CRPPA: variants seen among roughly 807,000 people sequenced by gnomAD.
CRPPA encodes the protein D-ribitol-5-phosphate cytidylyltransferase.
CRPPA carries 43 observed loss-of-function variants against 52.0 expected under a neutral mutation model. The observed-to-expected ratio is 0.83, with a 90% CI of 0.65 to 1.07. CRPPA has a LOEUF of 1.07. Ranked by LOEUF, CRPPA falls within the 50% of genes least tolerant of loss-of-function variation. The pLI, the probability that CRPPA is intolerant of heterozygous loss-of-function variation, is 0.00. For synonymous variants in CRPPA, 250 were observed against 203.5 expected (o/e 1.23, Z -1.94); for missense variants, 629 against 551.7 (o/e 1.14, Z -1.40).
intron 9 of CRPPA, among the ~76,000 whole-genome samples, chr7:16,187,205 T>C (rs560144402): frequency 6.6e-6 from 1 of 152,298 alleles, no homozygotes; most frequent in South Asian, 2.1e-4. Flanking sequence ...CCTATCAAAA[T>C]ACTTAGGCCC....
rs78099853 is a variant in CRPPA, at chr7:16,136,242, A to G, written c.1252-44443T>C. Among the ~76,000 whole-genome samples the G allele has an allele frequency of 3.0e-3, 461 of 152,330 alleles. 2 individuals carry two copies. Among genetic ancestry groups the G allele is most frequent in the Non-Finnish European group, 5.2e-3 (356 of 68,010 alleles). Reference sequence around the variant, plus strand: ...CTACAAATTGGAAATTGATATTTTAAAAGTTTAAAAATCCATTCAAGGTAT... The same window carrying G: ...CTACAAATTGGAAATTGATATTTTAGAAGTTTAAAAATCCATTCAAGGTAT... On this transcript the variant is annotated intron_variant, in intron 9 of 9. Coordinates refer to ENST00000407010, the MANE Select transcript of CRPPA (RefSeq NM_001101426.4).
chr7:16,401,512 A>T (rs538088844), intron 2 of CRPPA, among the ~76,000 whole-genome samples: 6 of 152,330 alleles, frequency 3.9e-5, no homozygotes, highest in Admixed American at 3.9e-4. Context: ...CTGAGGTAAG[A>T]AGGATATACC....
intron 9 of CRPPA, among the ~76,000 whole-genome samples, chr7:16,126,614 A>C (rs1240037537): frequency 6.6e-6 from 1 of 152,220 alleles, no homozygotes; most frequent in Non-Finnish European, 1.5e-5. Context: ...TAAAATATCT[A>C]GAATTGCATT....
chr7:16,105,779 G>T (rs758530819), intron 9 of CRPPA, among the ~76,000 whole-genome samples: 1 of 152,074 alleles, frequency 6.6e-6, no homozygotes, highest in Non-Finnish European at 1.5e-5. Flanking sequence ...ATCCTGTACA[G>T]GCAGAAAGGT....
chr7:16,292,585 C>T (rs1784586844), intron 5 of CRPPA, among the ~76,000 whole-genome samples: 2 of 151,932 alleles, frequency 1.3e-5, no homozygotes, highest in African/African-American at 4.8e-5. Context: ...CTGCCAGACT[C>T]CTTTTAAATT....
At chr7:16,253,148 T>C (rs1583467851) in intron 8 of CRPPA, among the ~76,000 whole-genome samples, 1 of 152,318 alleles carries the variant, frequency 6.6e-6, no homozygotes, top group East Asian at 1.9e-4. Flanking sequence ...TTCTGCTAGC[T>C]TTTGAATGTG....
intron 9 of CRPPA, among the ~76,000 whole-genome samples, chr7:16,195,203 G>A (rs535373196): frequency 2.6e-5 from 4 of 152,282 alleles, no homozygotes; most frequent in African/African-American, 7.2e-5. Flanking sequence ...CAGTGTTACA[G>A]CTTTCTAGTT....
intron 3 of CRPPA, among the ~76,000 whole-genome samples, chr7:16,369,912 A>G (rs10270406): frequency 0.029 from 4,399 of 152,322 alleles, 224 homozygotes; most frequent in African/African-American, 0.099. Context: ...AGAGGGGGAA[A>G]GTCTGCCTCC....
At chr7:16,398,504 G>A (rs535592181) in intron 2 of CRPPA, among the ~76,000 whole-genome samples, 13 of 152,244 alleles carry the variant, frequency 8.5e-5, no homozygotes, top group South Asian at 2.1e-4. Context: ...TCATTGGCAC[G>A]TGATTGGCAT....
chr7:16,354,285 A>G (rs909429523), intron 3 of CRPPA, among the ~76,000 whole-genome samples: 2 of 152,208 alleles, frequency 1.3e-5, no homozygotes, highest in African/African-American at 2.4e-5. Flanking sequence ...GCAACATTCA[A>G]TATGTAGCTC....
intron 3 of CRPPA, among the ~76,000 whole-genome samples, chr7:16,321,419 A>T (rs1422108641): frequency 6.6e-6 from 1 of 152,162 alleles, no homozygotes; most frequent in East Asian, 1.9e-4. Flanking sequence ...GATATATCAC[A>T]TGTGACATAT....
At chr7:16,248,301 T>C (rs937116840) in intron 8 of CRPPA, among the ~76,000 whole-genome samples, 1 of 152,158 alleles carries the variant, frequency 6.6e-6, no homozygotes, top group African/African-American at 2.4e-5. Context: ...ATCATGTCAC[T>C]GCAATCCAGC....
chr7:16,103,471 C>G (rs1361129325), intron 9 of CRPPA, among the ~76,000 whole-genome samples: 2 of 151,990 alleles, frequency 1.3e-5, no homozygotes, highest in Non-Finnish European at 2.9e-5. Context: ...AAAGAAATAT[C>G]AAAGGTTTTA....
chr7:16,127,825 T>C (rs763793581), intron 9 of CRPPA, among the ~76,000 whole-genome samples: 2 of 152,164 alleles, frequency 1.3e-5, no homozygotes, highest in Non-Finnish European at 2.9e-5. Flanking sequence ...ACTCTAATGG[T>C]AAATCTTATT....
At chr7:16,153,558 C>G (rs542168809) in intron 9 of CRPPA, among the ~76,000 whole-genome samples, 1 of 152,192 alleles carries the variant, frequency 6.6e-6, no homozygotes, top group Non-Finnish European at 1.5e-5. Flanking sequence ...CAAAGCAAAG[C>G]AAACTGCAGG....
chr7:16,385,038 T>G (rs1001513108), intron 2 of CRPPA, among the ~76,000 whole-genome samples: 1 of 152,108 alleles, frequency 6.6e-6, no homozygotes. Flanking sequence ...AATGAACATT[T>G]ATAAAGGAGC....
intron 3 of CRPPA, among the ~76,000 whole-genome samples, chr7:16,362,975 C>T (rs1786497228): frequency 1.3e-5 from 2 of 151,940 alleles, no homozygotes; most frequent in South Asian, 2.1e-4. Context: ...ATACTATGCC[C>T]ATAAACTTGA....
chr7:16,365,502 T>G (rs764891772), intron 3 of CRPPA, among the ~76,000 whole-genome samples: 9 of 152,132 alleles, frequency 5.9e-5, no homozygotes, highest in African/African-American at 2.2e-4. Context: ...TGTGGTAGTA[T>G]CACAGGAGAC....
rs149918437 is a variant in CRPPA, at chr7:16,114,752, G to A, written c.1252-22953C>T. Reference sequence around the variant, plus strand: ...ATGAAAGACAACCAAACAACTGGAGGACACATAACTCCTTTCTCCACCATT... The same window carrying A: ...ATGAAAGACAACCAAACAACTGGAGAACACATAACTCCTTTCTCCACCATT... On this transcript the variant is annotated intron_variant, in intron 9 of 9. Transcript: ENST00000407010. Among the ~76,000 whole-genome samples the A allele has an allele frequency of 5.4e-3, 828 of 152,014 alleles. 4 individuals are homozygous for A. Among genetic ancestry groups the A allele is most frequent in the Non-Finnish European group, 7.1e-3 (482 of 67,922 alleles).
Sources: allele counts gnomAD v4.1 joint callset (sites outside exome capture counted in the v4.1 genomes callset), GRCh38; gene constraint gnomAD v4.1.1; transcripts MANE v1.5; gene names NCBI Gene and HGNC (gene_info 2026-07-23, HGNC 2026-07-21).